SHROOM3: variants seen among roughly 807,000 people sequenced by gnomAD.
SHROOM3 encodes shroom family member 3, also known as protein Shroom3.
Under a neutral mutation model 138.6 loss-of-function variants are expected in SHROOM3, and 47 were observed. That is an observed-to-expected ratio of 0.34 (90% CI 0.27 to 0.43). The LOEUF is 0.43. Ranked by LOEUF, SHROOM3 falls within the 20% of genes least tolerant of loss-of-function variation. SHROOM3 has a pLI of 1.00. For missense variants in SHROOM3, 2,491 were observed against 2,596.5 expected, an observed-to-expected ratio of 0.96 and a Z score of 0.88; for synonymous variants, 1,062 against 1,063.3, an observed-to-expected ratio of 1.00 and a Z score of 0.02.
chr4:76,733,685 A>C (rs148643663), intron 4 of SHROOM3, among the ~76,000 whole-genome samples: 9 of 152,234 alleles, frequency 5.9e-5, no homozygotes, highest in African/African-American at 2.2e-4. Flanking sequence ...CCAGTGTGCC[A>C]CATCAGTTGG....
intron 2 of SHROOM3, among the ~76,000 whole-genome samples, chr4:76,643,432 A>C (rs1252230404): frequency 6.6e-6 from 1 of 152,200 alleles, no homozygotes; most frequent in Non-Finnish European, 1.5e-5. Flanking sequence ...GACAGGATTC[A>C]GACCAGGATG....
chr4:76,729,835 A>T (rs1442058097), intron 3 of SHROOM3, among the ~76,000 whole-genome samples: 1 of 152,232 alleles, frequency 6.6e-6, no homozygotes, highest in East Asian at 1.9e-4. Flanking sequence ...TTTTTCACAG[A>T]AAAGAGATAG....
chr4:76,751,149 A>T (rs1721610351), intron 6 of SHROOM3, among the ~76,000 whole-genome samples: 1 of 152,220 alleles, frequency 6.6e-6, no homozygotes, highest in Non-Finnish European at 1.5e-5. Context: ...GACACAAAAA[A>T]GTATAACACT....
At chr4:76,498,743 T>C (rs1732021939) in intron 1 of SHROOM3, among the ~76,000 whole-genome samples, 1 of 152,062 alleles carries the variant, frequency 6.6e-6, no homozygotes, top group South Asian at 2.1e-4. Flanking sequence ...AACTTTGCCC[T>C]TTTGGTGTGG....
chr4:76,536,781 G>T (rs943797520), intron 1 of SHROOM3, among the ~76,000 whole-genome samples: 1 of 152,104 alleles, frequency 6.6e-6, no homozygotes, highest in African/African-American at 2.4e-5. Context: ...CTGATTTTCT[G>T]TGTATCTGAT....
At chr4:76,488,165 G>A (rs940330896) in intron 1 of SHROOM3, among the ~76,000 whole-genome samples, 3 of 152,048 alleles carry the variant, frequency 2.0e-5, no homozygotes, top group African/African-American at 7.3e-5. Flanking sequence ...GTTTAAGTGT[G>A]TAAATTATAA....
In SHROOM3 at chr4:76,467,276, G is replaced by A. The variant is rs187644230; in HGVS notation, c.168+31056G>A. On this transcript the variant is annotated intron_variant, in intron 1 of 10. Transcript: ENST00000296043. ...TGCCCAGGCTGCTCTTGAACTCCTG[G>A]GCTCAAGCCATCTGCCTGCCTCTGC... Among the ~76,000 whole-genome samples the A allele has an allele frequency of 7.9e-5, 12 of 152,068 alleles. No individual in the cohort carries two copies. In the East Asian group the frequency reaches 1.4e-3, roughly 17 times the overall value.
chr4:76,498,097 A>C (rs1174453739), intron 1 of SHROOM3, among the ~76,000 whole-genome samples: 1 of 152,204 alleles, frequency 6.6e-6, no homozygotes, highest in Non-Finnish European at 1.5e-5. Context: ...TCTTGCCTCT[A>C]GTCATACAAA....
chr4:76,753,006 G>A (rs1049955445), intron 6 of SHROOM3, among the ~76,000 whole-genome samples: 11 of 152,308 alleles, frequency 7.2e-5, no homozygotes, highest in East Asian at 3.9e-4. Context: ...CAAAGGAGAC[G>A]TCACTGTTCA....
chr4:76,772,378 A>G (rs1321417485), intron 10 of SHROOM3, among the ~76,000 whole-genome samples: 1 of 152,130 alleles, frequency 6.6e-6, no homozygotes. Context: ...TGCTGGGGTT[A>G]CAGGCGTGAG....
At chr4:76,618,876 T>C (rs1191126289) in intron 2 of SHROOM3, among the ~76,000 whole-genome samples, 1 of 152,194 alleles carries the variant, frequency 6.6e-6, no homozygotes, top group Non-Finnish European at 1.5e-5. Flanking sequence ...TCTCATGTCT[T>C]TTTAGTTGAT....
At chr4:76,606,249 T>C (rs1734618958) in intron 2 of SHROOM3, among the ~76,000 whole-genome samples, 3 of 150,342 alleles carry the variant, frequency 2.0e-5, no homozygotes, top group African/African-American at 7.3e-5. Flanking sequence ...CTTGACCTTG[T>C]GATCTGCCTG....
chr4:76,641,846 A>C (rs1485465437), intron 2 of SHROOM3, among the ~76,000 whole-genome samples: 3 of 152,356 alleles, frequency 2.0e-5, no homozygotes, highest in East Asian at 3.9e-4. Flanking sequence ...AAACAAATAA[A>C]TAGGCAGGTA....
At chr4:76,586,239 C>T (rs1734149989) in intron 2 of SHROOM3, 1 of 985,544 alleles carries the variant, frequency 1.0e-6, no homozygotes, top group Non-Finnish European at 1.2e-6. Flanking sequence ...CAGGGCAGCC[C>T]AGGTTCCCAG....
intron 2 of SHROOM3, among the ~76,000 whole-genome samples, chr4:76,647,820 C>T (rs920151301): frequency 2.6e-5 from 4 of 152,038 alleles, no homozygotes; most frequent in Non-Finnish European, 4.4e-5. Context: ...TGCTTGAGCC[C>T]TGGAGGTTGA....
intron 5 of SHROOM3, among the ~76,000 whole-genome samples, chr4:76,746,095 C>A (rs545391229): frequency 6.6e-6 from 1 of 152,100 alleles, no homozygotes; most frequent in Non-Finnish European, 1.5e-5. Flanking sequence ...CAAAATTTGC[C>A]CAAGGTAGTA....
chr4:76,502,333 T>A (rs1021726632), intron 1 of SHROOM3, among the ~76,000 whole-genome samples: 2 of 152,202 alleles, frequency 1.3e-5, no homozygotes, highest in African/African-American at 4.8e-5. Flanking sequence ...TGAGACACTC[T>A]AGCAAATTAA....
At chr4:76,749,229 C>CTT (rs11374158) in intron 6 of SHROOM3, 139 bp downstream of exon 6, 1,694 of 634,020 alleles carry the variant, frequency 2.7e-3, no homozygotes, top group Non-Finnish European at 3.2e-3. Flanking sequence ...CCATGGATAA[C>CTT]TTTTTTTTTT....
intron 2 of SHROOM3, among the ~76,000 whole-genome samples, chr4:76,575,097 C>T (rs1733912688): frequency 6.6e-6 from 1 of 152,142 alleles, no homozygotes; most frequent in East Asian, 1.9e-4. Context: ...AAGAACAAAA[C>T]CAGATGATCA....
Sources: gnomAD v4.1 joint callset for allele counts (sites outside exome capture counted in the v4.1 genomes callset) on GRCh38, gnomAD v4.1.1 for gene constraint, MANE v1.5 for transcripts, NCBI Gene and HGNC (gene_info 2026-07-23, HGNC 2026-07-21) for gene names.